KCNQ1OT1: variants seen among roughly 807,000 people sequenced by gnomAD.
The protein encoded by KCNQ1OT1 is KCNQ1 antisense RNA 2 (non-protein coding).
chr11:2,619,520 T>G (rs924486344), exon 1 of KCNQ1OT1: 35 of 398,584 alleles, frequency 8.8e-5, no homozygotes, highest in African/African-American at 7.2e-4. Flanking sequence ...TAATTCCACA[T>G]AGACATGATA....
chr11:2,676,615 A>G lies in KCNQ1OT1; in HGVS notation n.23380T>C, dbSNP rs1850299330. 1 of 398,686 alleles carries G rather than the reference A, an allele frequency of 2.5e-6. No homozygotes were observed. The highest frequency in any genetic ancestry group is 4.4e-6 in the Non-Finnish European group (1 of 226,090). 24.7% of individuals were successfully genotyped at this position (398,686 alleles called of 1,614,324 possible). ...CCAGCTCTCCAAAGAGGCCTCTAAG[A>G]AATGGGTAGCTTCACAGATTCACAG... On this transcript the variant is annotated non_coding_transcript_exon_variant, in exon 1 of 1. Transcript: ENST00000597346. This position sits in a 1 kb window ranked among gnomAD's most constrained non-coding sequence, Gnocchi z 4.2.
chr11:2,670,071 G>T lies in KCNQ1OT1; in HGVS notation n.29924C>A. On this transcript the variant is annotated non_coding_transcript_exon_variant, in exon 1 of 1. Coordinates refer to ENST00000597346, the Ensembl canonical transcript of KCNQ1OT1. This position sits in a 1 kb window ranked among gnomAD's most constrained non-coding sequence, Gnocchi z 4.9. ...CTCACTATTCTGCTCTGGGGAGGGGGTTGGAGGCAGAATCAGTGGACTGTG... is the reference window on the plus strand; with the variant it reads ...CTCACTATTCTGCTCTGGGGAGGGGTTTGGAGGCAGAATCAGTGGACTGTG... The T allele has an allele frequency of 2.5e-6, 1 of 398,708 alleles. No individual in the cohort carries two copies. Among genetic ancestry groups the T allele is most frequent in the Non-Finnish European group, 4.4e-6 (1 of 226,126 alleles). The allele number at this position is 398,708 out of a possible 1,614,324, so 24.7% of individuals were successfully genotyped here. A position where few individuals can be genotyped will look rare whatever the true frequency, so the allele number is the denominator to read the frequency against.
exon 1 of KCNQ1OT1, chr11:2,681,981 T>C (rs1469579218): frequency 7.5e-6 from 3 of 398,510 alleles, no homozygotes; most frequent in Admixed American, 8.8e-5. Context: ...CAGGCAAATA[T>C]AGACATCATT....
rs1850355166 is a variant in KCNQ1OT1, at chr11:2,679,687, G to T, written n.20308C>A. On this transcript the variant is annotated non_coding_transcript_exon_variant, in exon 1 of 1. Coordinates refer to ENST00000597346, the Ensembl canonical transcript of KCNQ1OT1. The surrounding 1 kb of genome is among the most constrained non-coding windows in gnomAD (Gnocchi z 4.8). ...TTAGGATGCATAGGATCCCAGATTAGATTTTTTTTAAATCAGCCGTTCTCT... is the reference window on the plus strand; with the variant it reads ...TTAGGATGCATAGGATCCCAGATTATATTTTTTTTAAATCAGCCGTTCTCT... 1 of 398,400 alleles carries T rather than the reference G, an allele frequency of 2.5e-6. No homozygotes were observed. The highest frequency in any genetic ancestry group is 4.4e-5 in the Admixed American group (1 of 22,710). 24.7% of individuals were successfully genotyped at this position (398,400 alleles called of 1,614,324 possible). A position where few individuals can be genotyped will look rare whatever the true frequency, so the allele number is the denominator to read the frequency against.
exon 1 of KCNQ1OT1, chr11:2,685,279 G>A: frequency 2.5e-6 from 1 of 398,668 alleles, no homozygotes; most frequent in Non-Finnish European, 4.4e-6. Flanking sequence ...ACTGTGTCTT[G>A]CCCACAAACA....
In KCNQ1OT1 at chr11:2,627,430, T is replaced by C. The variant is rs906024050; in HGVS notation, n.72565A>G. On this transcript the variant is annotated non_coding_transcript_exon_variant, in exon 1 of 1. Coordinates refer to ENST00000597346, the Ensembl canonical transcript of KCNQ1OT1. The surrounding 1 kb of genome is among the most constrained non-coding windows in gnomAD (Gnocchi z 4.9). ...AACTTATTCATCTGATAACTCTATG[T>C]TTGTACCCTTCAACATTTCCTATTT... 2 of 398,404 alleles carry C rather than the reference T, an allele frequency of 5.0e-6. No homozygotes were observed. The highest frequency in any genetic ancestry group is 4.1e-5 in the African/African-American group (2 of 48,628). 24.7% of individuals were successfully genotyped at this position (398,404 alleles called of 1,614,324 possible).
At chr11:2,694,316 T>C (rs955598834) in exon 1 of KCNQ1OT1, 3 of 398,546 alleles carry the variant, frequency 7.5e-6, no homozygotes, top group Non-Finnish European at 8.8e-6. Flanking sequence ...AAGGAAGTGG[T>C]TGTCATCTGC....
In KCNQ1OT1 at chr11:2,678,921, C is replaced by A; in HGVS notation, n.21074G>T. 2.5e-6 allele frequency: 1 copy of A among 398,548 alleles called. No individual in the cohort carries two copies. Among genetic ancestry groups the A allele is most frequent in the East Asian group, 3.6e-5 (1 of 28,078 alleles). 24.7% of individuals were successfully genotyped at this position (398,548 alleles called of 1,614,324 possible). A position where few individuals can be genotyped will look rare whatever the true frequency, so the allele number is the denominator to read the frequency against. ...TACATGTATGATCATACTTTCAGGG[C>A]ATCTTGGAAAAACTGAATTTGCTAA... On this transcript the variant is annotated non_coding_transcript_exon_variant, in exon 1 of 1. Coordinates refer to ENST00000597346, the Ensembl canonical transcript of KCNQ1OT1. The surrounding 1 kb of genome is among the most constrained non-coding windows in gnomAD (Gnocchi z 4.9).
chr11:2,629,382 A>T lies in KCNQ1OT1; in HGVS notation n.70613T>A, dbSNP rs142357067. On this transcript the variant is annotated non_coding_transcript_exon_variant, in exon 1 of 1. Coordinates refer to ENST00000597346, the Ensembl canonical transcript of KCNQ1OT1. ...TTATTTTATCTGTGCCTTTCATATT[A>T]TATCCAAATGAAGTCAATACCAAAT... 2.8e-3 allele frequency: 1,096 copies of T among 398,456 alleles called. 7 individuals are homozygous for T. The highest frequency in any genetic ancestry group is 0.02 in the African/African-American group (957 of 48,728). The allele number at this position is 398,456 out of a possible 1,614,324, so 24.7% of individuals were successfully genotyped here.
At position 2,626,266 on chromosome 11, in the gene KCNQ1OT1, C is replaced by T. The variant is rs1188017941; in HGVS notation, n.73729G>A. On this transcript the variant is annotated non_coding_transcript_exon_variant, in exon 1 of 1. Coordinates refer to ENST00000597346, the Ensembl canonical transcript of KCNQ1OT1. The surrounding 1 kb of genome is among the most constrained non-coding windows in gnomAD (Gnocchi z 4.0). ...GGTCTCAACTTCATTCTCTTTTATA[C>T]ATGGTTAGGTAAGGATCTCAACTTC... is the stretch of plus-strand genomic sequence containing the variant. 2.3e-5 allele frequency: 9 copies of T among 398,384 alleles called. No individual in the cohort carries two copies. Among genetic ancestry groups the T allele is most frequent in the Admixed American group, 1.3e-4 (3 of 22,700 alleles). 24.7% of individuals were successfully genotyped at this position (398,384 alleles called of 1,614,324 possible).
exon 1 of KCNQ1OT1, chr11:2,666,837 A>G: frequency 7.5e-6 from 3 of 398,712 alleles, no homozygotes; most frequent in Non-Finnish European, 1.3e-5. Context: ...TCTGGGAACC[A>G]GTGTCCAGAA....
chr11:2,632,893 T>C (rs1849384638), exon 1 of KCNQ1OT1: 1 of 398,404 alleles, frequency 2.5e-6, no homozygotes. Context: ...AATGCAAATA[T>C]CTTTTTTATA....
chr11:2,670,473 T>C lies in KCNQ1OT1; in HGVS notation n.29522A>G, dbSNP rs1850163069. 2.5e-6 allele frequency: 1 copy of C among 396,932 alleles called. No homozygotes were observed. Among genetic ancestry groups the C allele is most frequent in the Non-Finnish European group, 4.4e-6 (1 of 225,708 alleles). 24.6% of individuals were successfully genotyped at this position (396,932 alleles called of 1,614,324 possible). A position where few individuals can be genotyped will look rare whatever the true frequency, so the allele number is the denominator to read the frequency against. On this transcript the variant is annotated non_coding_transcript_exon_variant, in exon 1 of 1. Transcript: ENST00000597346. The surrounding 1 kb of genome is among the most constrained non-coding windows in gnomAD (Gnocchi z 4.9). ...ACACACAGCCCACATCCTTGGTAGGTCCCTCAGAGAGCATCTAGTGGGCCT... is the reference window on the plus strand; with the variant it reads ...ACACACAGCCCACATCCTTGGTAGGCCCCTCAGAGAGCATCTAGTGGGCCT...
Position 2,653,377 on chromosome 11 carries a change from T to G in KCNQ1OT1, n.46618A>C, listed in dbSNP as rs544059306. On this transcript the variant is annotated non_coding_transcript_exon_variant, in exon 1 of 1. Transcript: ENST00000597346. This position sits in a 1 kb window ranked among gnomAD's most constrained non-coding sequence, Gnocchi z 5.3. ...TCACCCCCAACTTTGTCATGCACAT[T>G]CCTGAAGACTCTCTTGGTAACAAAT... is the stretch of plus-strand genomic sequence containing the variant. 5.2e-4 allele frequency: 206 copies of G among 398,734 alleles called. 8 individuals are homozygous for G. The South Asian group carries it at 0.024, about 46-fold the overall frequency. 24.7% of individuals were successfully genotyped at this position (398,734 alleles called of 1,614,324 possible). A position where few individuals can be genotyped will look rare whatever the true frequency, so the allele number is the denominator to read the frequency against.
rs1564854123 is a variant in KCNQ1OT1 at position 2,674,831 on chromosome 11, T to TA, written n.25163_25164insT. 4,835 of 367,262 alleles carry TA rather than the reference T, an allele frequency of 0.013. 153 individuals carry two copies. The highest frequency in any genetic ancestry group is 0.06 in the African/African-American group (2,323 of 38,522). The allele number at this position is 367,262 out of a possible 1,614,324, so 22.8% of individuals were successfully genotyped here. A position where few individuals can be genotyped will look rare whatever the true frequency, so the allele number is the denominator to read the frequency against. On this transcript the variant is annotated non_coding_transcript_exon_variant, in exon 1 of 1. Transcript: ENST00000597346. This position sits in a 1 kb window ranked among gnomAD's most constrained non-coding sequence, Gnocchi z 5.9. ...GGCTTGTCACCCTAATAGCTGTTTT[T>TA]TAAAAAAAAAAAAAAAAAAAAAAAA...
chr11:2,699,773 CCCGAGGAGAACCGCGCCGAGGGGCGCG>C (rs1431356108), exon 1 of KCNQ1OT1: 4 of 397,568 alleles, frequency 1.0e-5, no homozygotes, highest in African/African-American at 8.3e-5. Flanking sequence ...GCTGAGGAGC[CCCGAGGAGAACCGCGCCGAGGGGCGCG>C]CCGGGGAGAA....
In KCNQ1OT1 at chr11:2,662,062, C is replaced by A; in HGVS notation, n.37933G>T. The A allele has an allele frequency of 6.2e-7, 1 of 1,614,224 alleles. No individual in the cohort carries two copies. Among genetic ancestry groups the A allele is most frequent in the Non-Finnish European group, 8.5e-7 (1 of 1,180,044 alleles). The stretch of plus-strand genomic sequence containing the variant: ...CCTGGAAGGGGAGACTCTGCTGACA[C>A]CCATCACCCACATCTCACAGTGAGT... On this transcript the variant is annotated non_coding_transcript_exon_variant, in exon 1 of 1. Coordinates refer to ENST00000597346, the Ensembl canonical transcript of KCNQ1OT1.
Position 2,620,005 on chromosome 11 carries a change from C to A in KCNQ1OT1, n.79990G>T. ...TAGTACCCAATAGGTAGGTTTTCAG[C>A]CCACCTCTCCATTCCTCCCCCAAGT... is the stretch of plus-strand genomic sequence containing the variant. On this transcript the variant is annotated non_coding_transcript_exon_variant, in exon 1 of 1. Coordinates refer to ENST00000597346, the Ensembl canonical transcript of KCNQ1OT1. This position sits in a 1 kb window ranked among gnomAD's most constrained non-coding sequence, Gnocchi z 4.5. The A allele has an allele frequency of 2.5e-6, 1 of 397,924 alleles. No homozygotes were observed. Among genetic ancestry groups the A allele is most frequent in the Non-Finnish European group, 4.4e-6 (1 of 226,046 alleles). 24.6% of individuals were successfully genotyped at this position (397,924 alleles called of 1,614,324 possible).
At position 2,612,120 on chromosome 11, in the gene KCNQ1OT1, T is replaced by G; in HGVS notation, n.87875A>C. ...ACAGGGGTTCCCAACCCCAGGGCCA[T>G]GGACTGGTACCAGTCTGTGGCCTAT... is the stretch of plus-strand genomic sequence containing the variant. On this transcript the variant is annotated non_coding_transcript_exon_variant, in exon 1 of 1. Transcript: ENST00000597346. The surrounding 1 kb of genome is among the most constrained non-coding windows in gnomAD (Gnocchi z 5.5). 1 of 398,644 alleles carries G rather than the reference T, an allele frequency of 2.5e-6. No individual in the cohort carries two copies. Among genetic ancestry groups the G allele is most frequent in the Non-Finnish European group, 4.4e-6 (1 of 226,062 alleles). The allele number at this position is 398,644 out of a possible 1,614,324, so 24.7% of individuals were successfully genotyped here.
Sources: allele counts gnomAD v4.1 joint callset, GRCh38; gene constraint gnomAD v4.1.1; non-coding constraint Gnocchi (gnomAD v3.1); transcripts MANE v1.5; gene names NCBI Gene and HGNC (gene_info 2026-07-23, HGNC 2026-07-21).